The following DDX56 variants were observed in gnomAD, a reference collection of about 807,000 sequenced individuals.
DDX56 encodes the protein DEAD-box helicase 56, also known as probable ATP-dependent RNA helicase DDX56.
In DDX56, 45 loss-of-function variants were observed where a neutral mutation model predicts 61.5. The observed-to-expected ratio is 0.73, with a 90% CI of 0.58 to 0.94. DDX56 has a LOEUF of 0.94. Ranked by LOEUF, DDX56 falls within the 40% of genes least tolerant of loss-of-function variation. The pLI is 0.00. For synonymous variants in DDX56, 273 were observed against 268.3 expected (o/e 1.02, Z -0.17); for missense variants, 708 against 690.7 (o/e 1.02, Z -0.28).
At chr7:44,571,291 G>A (rs768440689) in intron 6 of DDX56, among the ~76,000 whole-genome samples, 4 of 152,132 alleles carry the variant, frequency 2.6e-5, no homozygotes, top group African/African-American at 9.7e-5. Context: ...CGCCCACCTC[G>A]GCCTCCCAAA....
At chr7:44,571,793 C>T (rs1802680875) in intron 5 of DDX56, 57 bp from the exon 6 acceptor site, 1 of 1,595,336 alleles carries the variant, frequency 6.3e-7, no homozygotes. Flanking sequence ...GATGTATGGC[C>T]ACTTACTCAC....
At chr7:44,569,320 T>A (rs546722978) in intron 9 of DDX56, 117 bp from the exon 10 acceptor site, 2 of 925,958 alleles carry the variant, frequency 2.2e-6, no homozygotes, top group Non-Finnish European at 3.3e-6. Context: ...ACCGCCTTCC[T>A]GGGATGCCGA....
At chr7:44,568,683 C>T (rs1017436543) in intron 11 of DDX56, among the ~76,000 whole-genome samples, 1 of 151,886 alleles carries the variant, frequency 6.6e-6, no homozygotes, top group Non-Finnish European at 1.5e-5. Flanking sequence ...CACATGAGCT[C>T]GTAATTCTGC....
intron 6 of DDX56, among the ~76,000 whole-genome samples, 185 bp from the exon 7 acceptor site, chr7:44,571,062 G>A (rs1011761749): frequency 2.0e-5 from 3 of 152,146 alleles, no homozygotes; most frequent in Admixed American, 2.0e-4. Flanking sequence ...TTTTGAGACA[G>A]AGTTTCACTC....
Position 44,573,063 on chromosome 7 carries a change from G to T in DDX56, c.223-13C>A. The T allele has an allele frequency of 6.4e-7, 1 of 1,552,236 alleles. No individual in the cohort carries two copies. The highest frequency in any genetic ancestry group is 8.7e-7 in the Non-Finnish European group (1 of 1,149,890). On this transcript the variant is annotated splice_polypyrimidine_tract_variant and intron_variant, in intron 2 of 13. Transcript: ENST00000258772. ...CCACCGGACCTGTCTGTAAGAATAT[G>T]AATTAAAGACTTTAGCCAGCAGTGC...
rs775244289 is a variant in DDX56, at chr7:44,572,994, C to G, written c.279G>C (p.Glu93Asp). 6.2e-7 allele frequency: 1 copy of G among 1,612,984 alleles called. No homozygotes were observed. Among genetic ancestry groups the G allele is most frequent in the South Asian group, 1.1e-5 (1 of 90,984 alleles). Residue 93 changes from glutamate (E) to aspartate (D), a missense_variant, in exon 3 of 14, where the codon GAG (glutamate) becomes GAC (aspartate). By Grantham distance (45) the Glu-to-Asp change is conservative (BLOSUM62 2). Coordinates refer to ENST00000258772, the MANE Select transcript of DDX56 (RefSeq NM_019082.4). ...VRGLVLVPTK[E>D]LARQAQSMIQ... Reference sequence around the variant, plus strand: ...TCATGGACTGTGCTTGCCGTGCCAGCTCCTTGGTAGGAACAAGAACAAGGC... The same window carrying G: ...TCATGGACTGTGCTTGCCGTGCCAGGTCCTTGGTAGGAACAAGAACAAGGC...
rs1802707557 is a variant in DDX56, at chr7:44,572,691, A to C, written c.437T>G (p.Leu146Ter). 2 of 1,614,228 alleles carry C rather than the reference A, an allele frequency of 1.2e-6. No individual in the cohort carries two copies. Among genetic ancestry groups the C allele is most frequent in the Non-Finnish European group, 1.7e-6 (2 of 1,180,030 alleles). The change falls in exon 4 of 14, where the codon TTA (leucine) becomes TGA (stop). Residue 146 changes from leucine to a stop codon, truncating the protein, a stop_gained. Coordinates refer to ENST00000258772, the MANE Select transcript of DDX56 (RefSeq NM_019082.4). LOFTEE classifies it high-confidence loss of function. Reference sequence around the variant, plus strand: ...CAGGCTGTCTTGCTGCAAGTGGCTTAATATGCGAGATGGGGTCCCTACTAC... The same window carrying C: ...CAGGCTGTCTTGCTGCAAGTGGCTTCATATGCGAGATGGGGTCCCTACTAC... ...DVVVGTPSRILSHLQQDSLKL... is the reference protein window; with the variant it reads ...DVVVGTPSRI
chr7:44,571,479 G>C lies in DDX56; in HGVS notation c.890+13C>G, dbSNP rs773826192. 1.2e-6 allele frequency: 2 copies of C among 1,612,540 alleles called. No individual in the cohort carries two copies. Among genetic ancestry groups the C allele is most frequent in the South Asian group, 2.2e-5 (2 of 91,048 alleles). On this transcript the variant is annotated intron_variant, in intron 6 of 13. Coordinates refer to ENST00000258772, the MANE Select transcript of DDX56 (RefSeq NM_019082.4). ...TTCAACTTATTTCAACCAAGATGTT[G>C]GCTGTGGCAGACCTGGAGCGCAGTG... is the stretch of plus-strand genomic sequence containing the variant.
rs1369499761 is a variant in DDX56, at chr7:44,573,584, G to A, written c.221C>T (p.Ala74Val). 4.3e-6 allele frequency: 7 copies of A among 1,612,816 alleles called. No individual in the cohort carries two copies. Among genetic ancestry groups the A allele is most frequent in the East Asian group, 2.2e-5 (1 of 44,870 alleles). ...CCCCTCAGCTCTCTCGTTACCCACC[G>A]CCTTCCTATGGAGCAACAGCTGCAG... ...PMLQLLLHRK[A>V]TGPVVEQAVR... Residue 74 changes from alanine (A) to valine (V), a missense_variant and splice_region_variant, in exon 2 of 14, where the codon GCG becomes GTG. Coordinates refer to ENST00000258772, the MANE Select transcript of DDX56 (RefSeq NM_019082.4).
Position 44,573,394 on chromosome 7 carries a change from G to A in DDX56, c.222+189C>T, listed in dbSNP as rs568157550. On this transcript the variant is annotated intron_variant, in intron 2 of 13. Coordinates refer to ENST00000258772, the MANE Select transcript of DDX56 (RefSeq NM_019082.4). ...TGTCGAAGATTACGCAAAGGTTGGT[G>A]GTAGCAGGGCCGGACAAGGATCCAG... Among the ~76,000 whole-genome samples the A allele has an allele frequency of 1.8e-3, 271 of 152,358 alleles. 2 individuals are homozygous for A. Among genetic ancestry groups the A allele is most frequent in the African/African-American group, 6.3e-3 (260 of 41,586 alleles).
intron 1 of DDX56, 31 bp from the exon 2 acceptor site, chr7:44,573,775 G>A (rs1361642800): frequency 1.9e-6 from 3 of 1,613,480 alleles, no homozygotes; most frequent in African/African-American, 2.7e-5. Flanking sequence ...TTTAAGCGGC[G>A]TGAAGAGCGA....
At chr7:44,566,193 A>G in intron 13 of DDX56, 114 bp from the exon 14 acceptor site, 2 of 648,534 alleles carry the variant, frequency 3.1e-6, no homozygotes, top group Non-Finnish European at 5.1e-6. Context: ...ACTGGCCAAC[A>G]CGACCAGAAG....
chr7:44,573,410 A>T (rs910387340), intron 2 of DDX56, among the ~76,000 whole-genome samples, 173 bp downstream of exon 2: 2 of 152,236 alleles, frequency 1.3e-5, no homozygotes, highest in African/African-American at 4.8e-5. Context: ...AGGGCCGGAC[A>T]AGGATCCAGG....
At chr7:44,566,746 T>G (rs559633299) in intron 12 of DDX56, among the ~76,000 whole-genome samples, 1 of 152,194 alleles carries the variant, frequency 6.6e-6, no homozygotes, top group South Asian at 2.1e-4. Flanking sequence ...ACAACAAACA[T>G]GTAACAAGAA....
In DDX56 at chr7:44,569,793, A is replaced by G. The variant is rs1802626697; in HGVS notation, c.1219+16T>C. ...AGCCTGACCCTGGCCCAGGACCACA[A>G]GAGCCAGGCTCTTACCTCCACTGAG... On this transcript the variant is annotated intron_variant, in intron 9 of 13. Coordinates refer to ENST00000258772, the MANE Select transcript of DDX56 (RefSeq NM_019082.4). 2 of 1,596,906 alleles carry G rather than the reference A, an allele frequency of 1.3e-6. No homozygotes were observed. Among genetic ancestry groups the G allele is most frequent in the Admixed American group, 1.7e-5 (1 of 58,880 alleles).
chr7:44,566,531 G>T lies in DDX56; in HGVS notation c.1490-7C>A. On this transcript the variant is annotated splice_region_variant and splice_polypyrimidine_tract_variant and intron_variant, in intron 12 of 13. Transcript: ENST00000258772. ...CCACGGAGAGCAGGAGGAACTGGAAGAGATGCTTGCCTGAGCAGTGGGCTC... is the reference window on the plus strand; with the variant it reads ...CCACGGAGAGCAGGAGGAACTGGAATAGATGCTTGCCTGAGCAGTGGGCTC... 1 of 1,552,798 alleles carries T rather than the reference G, an allele frequency of 6.4e-7. No individual in the cohort carries two copies. The highest frequency in any genetic ancestry group is 2.4e-5 in the East Asian group (1 of 41,214).
Position 44,572,896 on chromosome 7 carries a change from G to A in DDX56, c.377C>T (p.Ser126Phe). ...CTTTGCTGCTTTTACCCACCTCTGA[G>A]AGACTGAGTCTTCAGCAGCTGAGAC... The part of the protein sequence containing the change: ...ANVSAAEDSV[S>F]QRAVLMEKPD... The change falls in exon 3 of 14, where the codon TCT becomes TTT. Residue 126 changes from serine to phenylalanine, a missense_variant. Physicochemically the swap from Ser to Phe is radical, Grantham distance 155 (BLOSUM62 -2). Transcript: ENST00000258772. The A allele has an allele frequency of 1.3e-6, 2 of 1,590,948 alleles. No individual in the cohort carries two copies. Among genetic ancestry groups the A allele is most frequent in the South Asian group, 2.3e-5 (2 of 87,780 alleles).
rs1802532362 is a variant in DDX56 at position 44,566,250 on chromosome 7, C to T, written c.1567-171G>A. 5.8e-6 allele frequency: 4 copies of T among 685,998 alleles called. No individual in the cohort carries two copies. The East Asian group carries it at 8.2e-5, about 14-fold the overall frequency. 42.5% of individuals were successfully genotyped at this position (685,998 alleles called of 1,614,324 possible). On this transcript the variant is annotated intron_variant, in intron 13 of 13. Transcript: ENST00000258772. ...GGAAAGGCAGCTGGGGAAAGAAAAG[C>T]AGGGCCTGCAGGCGGCTGCAAAAGT...
At position 44,570,099 on chromosome 7, in the gene DDX56, C is replaced by T. The variant is rs376379442; in HGVS notation, c.1040G>A (p.Arg347Gln). The T allele has an allele frequency of 1.3e-5, 21 of 1,613,964 alleles. No individual in the cohort carries two copies. The highest frequency in any genetic ancestry group is 2.7e-5 in the African/African-American group (2 of 74,912). The change falls in exon 8 of 14, where the codon CGG becomes CAG. Residue 347 changes from arginine to glutamine, a missense_variant. Arg to Gln is a conservative substitution (Grantham distance 43, BLOSUM62 1). Transcript: ENST00000258772. Reference sequence around the variant, plus strand: ...AGACACATGGTGGAAGTCTATGCCCCGGGCCACACCTGCTTCCGGATCAGA... The same window carrying T: ...AGACACATGGTGGAAGTCTATGCCCTGGGCCACACCTGCTTCCGGATCAGA... ...KASDPEAGVA[R>Q]GIDFHHVSAV...
Sources: gnomAD v4.1 joint callset for allele counts (sites outside exome capture counted in the v4.1 genomes callset) on GRCh38, gnomAD v4.1.1 for gene constraint, MANE v1.5 for transcripts, NCBI Gene and HGNC (gene_info 2026-07-23, HGNC 2026-07-21) for gene names.